Variants in CAV1 observed in about 807,000 individuals in gnomAD.
CAV1 encodes caveolin 1.
Under a neutral mutation model 16.5 loss-of-function variants are expected in CAV1, and 10 were observed. That is an observed-to-expected ratio of 0.61 (90% confidence interval 0.37 to 1.03). The LOEUF (loss-of-function observed/expected upper bound fraction) is 1.03. Among genes scored for constraint, CAV1 ranks in the 50% least tolerant of loss-of-function variants. The pLI is 0.01. For synonymous variants in CAV1, 76 were observed against 85.1 expected (o/e 0.89, Z 0.59); for missense variants, 212 against 232.8 (o/e 0.91, Z 0.58).
chr7:116,557,043 C>A (rs190497630), intron 2 of CAV1, among the ~76,000 whole-genome samples: 1 of 152,142 alleles, frequency 6.6e-6, no homozygotes, highest in African/African-American at 2.4e-5. Flanking sequence ...TGCACAGAAA[C>A]TTCATAAAAG....
chr7:116,525,190 CCCTCTCT>C, intron 1 of CAV1, 98 bp downstream of exon 1: 2 of 1,612,004 alleles, frequency 1.2e-6, no homozygotes, highest in South Asian at 2.2e-5. Flanking sequence ...CTGGCCCCAG[CCCTCTCT>C]CCACTTCGGA....
chr7:116,559,946 C>T lies in CAV1; in HGVS notation c.*659C>T. On this transcript the variant is annotated 3_prime_UTR_variant, in exon 3 of 3. Transcript: ENST00000341049. ...TATGTAGATAACAAGACCTCAGTGC[C>T]TTCCTGTTTTTCACATTTTCCTTTT... The T allele has an allele frequency of 2.5e-6, 1 of 398,014 alleles. No individual in the cohort carries two copies. Among genetic ancestry groups the T allele is most frequent in the African/African-American group, 2.1e-5 (1 of 48,694 alleles). 24.7% of individuals were successfully genotyped at this position (398,014 alleles called of 1,614,324 possible).
chr7:116,554,764 T>G lies in CAV1; in HGVS notation c.196-4182T>G, dbSNP rs972573460. ...CATCCTAGATACTAGGTGTCCTAAC[T>G]TAAAGTGGAAACATTAACAAGAGTA... is the stretch of plus-strand genomic sequence containing the variant. On this transcript the variant is annotated intron_variant, in intron 2 of 2. Coordinates refer to ENST00000341049, the MANE Select transcript of CAV1 (RefSeq NM_001753.5). Among the ~76,000 whole-genome samples the G allele has an allele frequency of 4.6e-5, 7 of 152,152 alleles. 1 individual carries two copies. The highest frequency in any genetic ancestry group is 1.7e-4 in the African/African-American group (7 of 41,428).
At position 116,555,542 on chromosome 7, in the gene CAV1, GAGAAAGAA is replaced by G. The variant is rs1225761657; in HGVS notation, c.196-3348_196-3341del. On this transcript the variant is annotated intron_variant, in intron 2 of 2. Coordinates refer to ENST00000341049, the MANE Select transcript of CAV1 (RefSeq NM_001753.5). Reference sequence around the variant, plus strand: ...AAAGAGAGAGAGAGAGAGAGAGAGAGAGAAAGAAAGAAAGAAAGAAAGAAAGAAAGAAA... The same window carrying G: ...AAAGAGAGAGAGAGAGAGAGAGAGAGAGAAAGAAAGAAAGAAAGAAAGAAA... Among the ~76,000 whole-genome samples, 62 of 12,142 alleles carry G rather than the reference GAGAAAGAA, an allele frequency of 5.1e-3. 4 individuals carry two copies. The highest frequency in any genetic ancestry group is 6.9e-3 in the Non-Finnish European group (40 of 5,762). The allele number at this position is 12,142 out of a possible 152,430, so 8.0% of individuals were successfully genotyped here.
intron 2 of CAV1, among the ~76,000 whole-genome samples, chr7:116,548,988 G>A (rs562668659): frequency 6.6e-6 from 1 of 152,158 alleles, no homozygotes; most frequent in Non-Finnish European, 1.5e-5. Context: ...GATGTCCCTT[G>A]TTCTATGCAT....
chr7:116,545,653 G>A (rs1794030504), intron 2 of CAV1, among the ~76,000 whole-genome samples: 1 of 152,216 alleles, frequency 6.6e-6, no homozygotes, highest in Admixed American at 6.5e-5. Flanking sequence ...CTACCGTGAG[G>A]AAGTGTATTG....
At chr7:116,527,773 G>T (rs1793598247) in intron 2 of CAV1, among the ~76,000 whole-genome samples, 1 of 152,100 alleles carries the variant, frequency 6.6e-6, no homozygotes, top group Admixed American at 6.5e-5. Context: ...CACCACGCCT[G>T]CTATCTATGG....
chr7:116,540,569 TCA>T (rs1320320621), intron 2 of CAV1, among the ~76,000 whole-genome samples: 1 of 152,192 alleles, frequency 6.6e-6, no homozygotes, highest in Non-Finnish European at 1.5e-5. Context: ...ACAGCCAGAA[TCA>T]CAGTCATAGC....
chr7:116,546,533 TAAAA>T lies in CAV1; in HGVS notation c.196-12402_196-12399del, dbSNP rs536587642. On this transcript the variant is annotated intron_variant, in intron 2 of 2. Coordinates refer to ENST00000341049, the MANE Select transcript of CAV1 (RefSeq NM_001753.5). Reference sequence around the variant, plus strand: ...GGTGAAATCCTGCCTCTACTAAAAATAAAAAAAAAAAAAATTAGTCAGGTGTGGT... The same window carrying T: ...GGTGAAATCCTGCCTCTACTAAAAATAAAAAAAAAATTAGTCAGGTGTGGT... Among the ~76,000 whole-genome samples, 3 of 138,214 alleles carry T rather than the reference TAAAA, an allele frequency of 2.2e-5. No homozygotes were observed. In the East Asian group the frequency reaches 6.5e-4, roughly 30 times the overall value. 90.7% of individuals were successfully genotyped at this position (138,214 alleles called of 152,430 possible). A position where few individuals can be genotyped will look rare whatever the true frequency, so the allele number is the denominator to read the frequency against.
chr7:116,526,951 T>G, intron 2 of CAV1: 1 of 523,102 alleles, frequency 1.9e-6, no homozygotes. Context: ...GAAGTTCCTA[T>G]AACTACACTT....
In CAV1 at chr7:116,559,011, C is replaced by T; in HGVS notation, c.261C>T (p.Ala87=). 3.1e-6 allele frequency: 5 copies of T among 1,613,798 alleles called. No individual in the cohort carries two copies. In the African/African-American group the frequency reaches 4.0e-5, roughly 13 times the overall value. The stretch of plus-strand genomic sequence containing the variant: ...ACAGTTTTGACGGCATTTGGAAGGC[C>T]AGCTTCACCACCTTCACTGTGACGA... The part of the protein sequence containing the change: ...GTHSFDGIWK[A]SFTTFTVTKY... The change falls in exon 3 of 3, where the codon GCC becomes GCT. Residue 87 remains alanine (A), a synonymous_variant. Coordinates refer to ENST00000341049, the MANE Select transcript of CAV1 (RefSeq NM_001753.5).
intron 2 of CAV1, among the ~76,000 whole-genome samples, chr7:116,555,476 G>A (rs1562837866): frequency 2.2e-4 from 8 of 36,486 alleles, no homozygotes; most frequent in African/African-American, 6.6e-4. Context: ...AGGAAGGAAG[G>A]AGGAAAGAAA....
At chr7:116,525,018 G>A, upstream of CAV1, 1 of 1,611,490 alleles carries the variant, frequency 6.2e-7, no homozygotes, top group Non-Finnish European at 8.5e-7. Flanking sequence ...TTAAAGCACA[G>A]CCCAGGGAAA....
chr7:116,538,796 G>T (rs1173001034), intron 2 of CAV1, among the ~76,000 whole-genome samples: 1 of 152,148 alleles, frequency 6.6e-6, no homozygotes, highest in African/African-American at 2.4e-5. Context: ...ACATGCCTGG[G>T]GAGGCTTCAC....
intron 1 of CAV1, 157 bp downstream of exon 1, chr7:116,525,249 CG>C: frequency 6.2e-7 from 1 of 1,605,448 alleles, no homozygotes; most frequent in Non-Finnish European, 8.5e-7. Context: ...TGGGCCTGGG[CG>C]GGGAGGTGAA....
chr7:116,559,961 A>G lies in CAV1; in HGVS notation c.*674A>G, dbSNP rs878999727. ...ACCTCAGTGCCTTCCTGTTTTTCAC[A>G]TTTTCCTTTTCAAATAGGGTCTAAC... On this transcript the variant is annotated 3_prime_UTR_variant, in exon 3 of 3. Coordinates refer to ENST00000341049, the MANE Select transcript of CAV1 (RefSeq NM_001753.5). 5.0e-6 allele frequency: 2 copies of G among 397,372 alleles called. No individual in the cohort carries two copies. The highest frequency in any genetic ancestry group is 2.1e-5 in the African/African-American group (1 of 48,512). The allele number at this position is 397,372 out of a possible 1,614,324, so 24.6% of individuals were successfully genotyped here.
At chr7:116,557,642 GCTC>G (rs1425829350) in intron 2 of CAV1, among the ~76,000 whole-genome samples, 1 of 152,136 alleles carries the variant, frequency 6.6e-6, no homozygotes, top group Non-Finnish European at 1.5e-5. Context: ...TTGCATTCCA[GCTC>G]CTTTCATCCC....
At chr7:116,544,039 A>G (rs1317009677) in intron 2 of CAV1, among the ~76,000 whole-genome samples, 1 of 152,224 alleles carries the variant, frequency 6.6e-6, no homozygotes, top group East Asian at 1.9e-4. Flanking sequence ...TCTGAAGGTA[A>G]ACATGAAGGC....
chr7:116,539,109 C>T lies in CAV1; in HGVS notation c.195+12420C>T, dbSNP rs112486259. 7.7e-3 allele frequency among the ~76,000 whole-genome samples: 1,173 copies of T among 152,236 alleles called. 18 individuals carry two copies. The highest frequency in any genetic ancestry group is 0.027 in the African/African-American group (1,109 of 41,534). The stretch of plus-strand genomic sequence containing the variant: ...GCACGGAGCACGTCATGAGTCCTGC[C>T]GTACCACAGCCTGCCTGACAGACCT... On this transcript the variant is annotated intron_variant, in intron 2 of 2. Coordinates refer to ENST00000341049, the MANE Select transcript of CAV1 (RefSeq NM_001753.5).
Sources: allele counts gnomAD v4.1 joint callset (sites outside exome capture counted in the v4.1 genomes callset), GRCh38; gene constraint gnomAD v4.1.1; transcripts MANE v1.5; gene names NCBI Gene and HGNC (gene_info 2026-07-23, HGNC 2026-07-21).